Variants in AFG2B observed in about 807,000 individuals in gnomAD.
The protein encoded by AFG2B is ATPase family gene 2 protein homolog B.
the AFG2B span, among the ~76,000 whole-genome samples, chr15:45,405,935 CTCT>C: frequency 6.6e-6 from 1 of 152,026 alleles, no homozygotes; most frequent in Admixed American, 6.6e-5. Flanking sequence ...TTATCATTCT[CTCT>C]TCATGTGTAT....
the AFG2B span, chr15:45,403,263 C>G: frequency 7.6e-6 from 12 of 1,587,874 alleles, no homozygotes; most frequent in Non-Finnish European, 1.0e-5. Flanking sequence ...CTGGGGAGAC[C>G]GAGGAGAACG....
chr15:45,411,575 C>T, the AFG2B span, among the ~76,000 whole-genome samples: 8 of 152,158 alleles, frequency 5.3e-5, no homozygotes, highest in African/African-American at 1.7e-4. Flanking sequence ...ACTCGGCCTC[C>T]TAAAATGGTG....
At chr15:45,410,576 C>CTGTAAT in the AFG2B span, 1 of 1,517,602 alleles carries the variant, frequency 6.6e-7, no homozygotes, top group Non-Finnish European at 8.9e-7. Context: ...TACAGATTAA[C>CTGTAAT]ATTCTGTGCA....
chr15:45,415,729 G>A, the AFG2B span: 1 of 1,614,058 alleles, frequency 6.2e-7, no homozygotes, highest in Non-Finnish European at 8.5e-7. Context: ...GAATTAGATG[G>A]TGTTGGACTT....
the AFG2B span, among the ~76,000 whole-genome samples, chr15:45,416,372 TAA>T: frequency 1.3e-5 from 2 of 152,262 alleles, no homozygotes; most frequent in African/African-American, 2.4e-5. Flanking sequence ...TTTAATGAAT[TAA>T]AATGGCCTTT....
chr15:45,414,738 G>A, the AFG2B span: 1 of 1,614,084 alleles, frequency 6.2e-7, no homozygotes, highest in South Asian at 1.1e-5. Flanking sequence ...GAGCTGATCT[G>A]TTTTCACCGT....
chr15:45,402,738 C>G, the AFG2B span: 2 of 1,566,258 alleles, frequency 1.3e-6, no homozygotes, highest in African/African-American at 2.7e-5. Context: ...TCCTAGTGCC[C>G]TGTCCGCCCC....
the AFG2B span, among the ~76,000 whole-genome samples, chr15:45,406,586 T>C: frequency 0.018 from 2,775 of 152,322 alleles, 142 homozygotes; most frequent in East Asian, 0.22. Flanking sequence ...TTTTCAACTT[T>C]GTTGGTTGTA....
chr15:45,414,643 C>T, the AFG2B span: 3 of 1,614,156 alleles, frequency 1.9e-6, no homozygotes, highest in Non-Finnish European at 2.5e-6. Flanking sequence ...GGGAGTTCTC[C>T]TCTATGGGCC....
the AFG2B span, among the ~76,000 whole-genome samples, chr15:45,409,400 T>TCA: frequency 6.8e-6 from 1 of 148,094 alleles, no homozygotes; most frequent in African/African-American, 2.5e-5. Flanking sequence ...AAGAGTTTGA[T>TCA]AATGTCTGTA....
At chr15:45,402,869 G>A in the AFG2B span, 1 of 1,598,498 alleles carries the variant, frequency 6.3e-7, no homozygotes. Flanking sequence ...ATCTCCCTGG[G>A]CCACGTGGTG....
At chr15:45,415,815 T>C in the AFG2B span, 1 of 1,598,680 alleles carries the variant, frequency 6.3e-7, no homozygotes, top group South Asian at 1.1e-5. Flanking sequence ...AAGAGGTATT[T>C]ATTAGCCAGA....
At chr15:45,406,932 G>A in the AFG2B span, 2 of 1,020,440 alleles carry the variant, frequency 2.0e-6, no homozygotes, top group African/African-American at 3.3e-5. Flanking sequence ...AAAGTTCTGT[G>A]TGTAAAGATG....
At chr15:45,415,674 A>G in the AFG2B span, 68 of 1,614,036 alleles carry the variant, frequency 4.2e-5, no homozygotes, top group Non-Finnish European at 5.6e-5. Context: ...AGCCAGCAAG[A>G]CAGGATGTGA....
chr15:45,405,327 T>C, the AFG2B span: 3 of 1,614,054 alleles, frequency 1.9e-6, no homozygotes, highest in African/African-American at 1.3e-5. Flanking sequence ...TAGGTGGTCA[T>C]TGGGACTCCC....
At chr15:45,418,168 A>T in the AFG2B span, among the ~76,000 whole-genome samples, 74 of 151,978 alleles carry the variant, frequency 4.9e-4, 1 homozygote, top group Middle Eastern at 3.4e-3. Context: ...ACATGGTGAA[A>T]CCCCATCTCT....
the AFG2B span, chr15:45,403,486 G>T: frequency 1.9e-6 from 3 of 1,606,714 alleles, no homozygotes; most frequent in Non-Finnish European, 2.5e-6. Context: ...TCTAGACCCA[G>T]CGCTGCGTAG....
the AFG2B span, among the ~76,000 whole-genome samples, chr15:45,408,588 A>C: frequency 6.6e-6 from 1 of 152,214 alleles, no homozygotes; most frequent in Admixed American, 6.5e-5. Flanking sequence ...CAGAGTGTAC[A>C]TTGGTTCCTC....
the AFG2B span, chr15:45,415,476 C>T: frequency 3.3e-6 from 3 of 913,590 alleles, no homozygotes; most frequent in Non-Finnish European, 4.7e-6. Flanking sequence ...CCAAACTGAG[C>T]AACAGAGCAA....
Sources: allele counts gnomAD v4.1 joint callset (sites outside exome capture counted in the v4.1 genomes callset), GRCh38; gene constraint gnomAD v4.1.1; transcripts MANE v1.5; gene names NCBI Gene and HGNC (gene_info 2026-07-23, HGNC 2026-07-21).